Variants in CSMD3 observed in about 807,000 individuals in gnomAD.
The protein encoded by CSMD3 is CUB and sushi domain-containing protein 3.
In CSMD3, 177 loss-of-function variants were observed where a neutral mutation model predicts 435.2. The ratio of observed to expected loss-of-function variants is 0.41; its 90% CI spans 0.36 to 0.46. The LOEUF (loss-of-function observed/expected upper bound fraction) is 0.46. Ranked by LOEUF, CSMD3 falls within the 20% of genes least tolerant of loss-of-function variation. The probability of loss-of-function intolerance (pLI) is 0.34; values close to 1 mark genes in which losing one functional copy is unlikely to be tolerated. For missense variants in CSMD3, 4,265 were observed against 4,504.6 expected, an observed-to-expected ratio of 0.95 and a Z score of 1.52; for synonymous variants, 1,656 against 1,520.5, an observed-to-expected ratio of 1.09 and a Z score of -2.07.
chr8:113,196,653 G>C (rs2092659350), intron 3 of CSMD3, among the ~76,000 whole-genome samples: 1 of 151,230 alleles, frequency 6.6e-6, no homozygotes, highest in Non-Finnish European at 1.5e-5. Context: ...AGAGACGACA[G>C]AAGGAGACTT....
intron 5 of CSMD3, among the ~76,000 whole-genome samples, chr8:113,094,692 T>A (rs1421526254): frequency 6.6e-6 from 1 of 152,214 alleles, no homozygotes; most frequent in Non-Finnish European, 1.5e-5. Flanking sequence ...TAGATGATTC[T>A]AGCATACAGA....
chr8:112,235,887 T>G (rs1813535450), intron 67 of CSMD3, among the ~76,000 whole-genome samples: 1 of 151,950 alleles, frequency 6.6e-6, no homozygotes, highest in Non-Finnish European at 1.5e-5. Context: ...TATAGAAAAC[T>G]CTTGAGTTTA....
At chr8:113,187,583 A>C (rs1343614390) in intron 3 of CSMD3, among the ~76,000 whole-genome samples, 4 of 152,048 alleles carry the variant, frequency 2.6e-5, no homozygotes, top group Admixed American at 2.6e-4. Context: ...TTTCATTTTT[A>C]TATGAGTGTA....
In CSMD3 at chr8:112,292,668, G is replaced by T. The variant is rs745755905; in HGVS notation, c.8657C>A (p.Thr2886Lys). 1.9e-6 allele frequency: 3 copies of T among 1,613,572 alleles called. No homozygotes were observed. Among genetic ancestry groups the T allele is most frequent in the Non-Finnish European group, 2.5e-6 (3 of 1,179,732 alleles). The change falls in exon 55 of 71, where the codon ACA becomes AAA. Residue 2886 changes from threonine (T) to lysine (K), a missense_variant. By Grantham distance (78) the Thr-to-Lys change is moderately conservative (BLOSUM62 -1). This residue lies in a region of CSMD3 where 3,255 missense variants were observed against 3,380.2 expected (regional missense o/e 0.96). Transcript: ENST00000297405. The stretch of plus-strand genomic sequence containing the variant: ...ATTAAAGTTGAACCCATTTCCACTT[G>T]TTCTTCCATAAATTGGACTACCAGG... ...GHPGSPIYGR[T>K]SGNGFNFNDV... is the part of the protein sequence containing the mutation.
Position 112,921,768 on chromosome 8 carries a change from G to A in CSMD3, c.1509-17C>T, listed in dbSNP as rs2130632968. 6.3e-7 allele frequency: 1 copy of A among 1,590,604 alleles called. No homozygotes were observed. Among genetic ancestry groups the A allele is most frequent in the Non-Finnish European group, 8.6e-7 (1 of 1,159,380 alleles). On this transcript the variant is annotated splice_polypyrimidine_tract_variant and intron_variant, in intron 9 of 70. Coordinates refer to ENST00000297405, the MANE Select transcript of CSMD3 (RefSeq NM_198123.2). Reference sequence around the variant, plus strand: ...GATCCAAGGCTAAAGTTAAATAAAAGAGAAAAAATATGATAAGAAAGATGC... The same window carrying A: ...GATCCAAGGCTAAAGTTAAATAAAAAAGAAAAAATATGATAAGAAAGATGC...
At chr8:112,529,000 C>T (rs1825262602) in intron 27 of CSMD3, among the ~76,000 whole-genome samples, 1 of 152,060 alleles carries the variant, frequency 6.6e-6, no homozygotes, top group African/African-American at 2.4e-5. Flanking sequence ...TAGCTTCAAG[C>T]TTCCCTGCTG....
chr8:112,784,140 A>G (rs2078474412), intron 13 of CSMD3, among the ~76,000 whole-genome samples: 1 of 151,984 alleles, frequency 6.6e-6, no homozygotes, highest in Admixed American at 6.6e-5. Flanking sequence ...AGATAACAAG[A>G]GGATAAATAC....
intron 45 of CSMD3, among the ~76,000 whole-genome samples, chr8:112,334,791 A>G (rs919124399): frequency 6.6e-6 from 1 of 152,204 alleles, no homozygotes; most frequent in African/African-American, 2.4e-5. Flanking sequence ...AATTGAGACT[A>G]TACATAAATT....
rs566160813 is a variant in CSMD3 at position 113,072,286 on chromosome 8, T to C, written c.917+26470A>G. On this transcript the variant is annotated intron_variant, in intron 5 of 70. Coordinates refer to ENST00000297405, the MANE Select transcript of CSMD3 (RefSeq NM_198123.2). Reference sequence around the variant, plus strand: ...TTCTTCTTATTTAGATGTTTTCTTTTTTTTCCTTATCTAATTGCTCTGTCA... The same window carrying C: ...TTCTTCTTATTTAGATGTTTTCTTTCTTTTCCTTATCTAATTGCTCTGTCA... 4.6e-5 allele frequency among the ~76,000 whole-genome samples: 7 copies of C among 151,876 alleles called. No individual in the cohort carries two copies. In the East Asian group the frequency reaches 9.7e-4, roughly 21 times the overall value.
rs569179085 is a variant in CSMD3 at position 112,341,099 on chromosome 8, T to C, written c.6652+378A>G. Among the ~76,000 whole-genome samples the C allele has an allele frequency of 8.5e-5, 13 of 152,270 alleles. 1 individual carries two copies. In the South Asian group the frequency reaches 2.7e-3, roughly 32 times the overall value. ...CTATAAAGTAAAAGAACATTTTACA[T>C]AATACAACACATGAATAATACAAAA... On this transcript the variant is annotated intron_variant, in intron 42 of 70. Transcript: ENST00000297405.
intron 38 of CSMD3, among the ~76,000 whole-genome samples, chr8:112,356,169 C>T (rs573334116): frequency 6.6e-6 from 1 of 152,238 alleles, no homozygotes; most frequent in Admixed American, 6.5e-5. Context: ...CCAGCAATCT[C>T]ATTACTGGGT....
At chr8:112,245,685 C>T (rs1482316017) in intron 64 of CSMD3, among the ~76,000 whole-genome samples, 1 of 152,030 alleles carries the variant, frequency 6.6e-6, no homozygotes, top group Non-Finnish European at 1.5e-5. Flanking sequence ...CTACAGGCAC[C>T]TGCCACCACA....
chr8:112,878,127 G>C (rs1166462021), intron 10 of CSMD3, among the ~76,000 whole-genome samples: 1 of 152,222 alleles, frequency 6.6e-6, no homozygotes, highest in East Asian at 1.9e-4. Context: ...AGAGTGAACA[G>C]GCAACCTATA....
At chr8:112,350,901 T>G (rs1157783486) in intron 40 of CSMD3, among the ~76,000 whole-genome samples, 1 of 152,094 alleles carries the variant, frequency 6.6e-6, no homozygotes, top group East Asian at 1.9e-4. Flanking sequence ...AGAATTTTTT[T>G]AAGTCTTTTC....
At chr8:113,010,749 T>C (rs944087612) in intron 6 of CSMD3, among the ~76,000 whole-genome samples, 19 of 151,728 alleles carry the variant, frequency 1.3e-4, no homozygotes, top group African/African-American at 4.1e-4. Flanking sequence ...TATTGAACAC[T>C]GTCTTAAAAT....
chr8:112,768,712 G>GACAAAACAAA (rs1054526945), intron 13 of CSMD3, among the ~76,000 whole-genome samples: 1 of 151,778 alleles, frequency 6.6e-6, no homozygotes. Context: ...TCATACAAAA[G>GACAAAACAAA]ACAAAACAAA....
chr8:113,399,078 C>CATATATATATATAT (rs764141337), intron 1 of CSMD3, among the ~76,000 whole-genome samples: 76 of 90,814 alleles, frequency 8.4e-4, no homozygotes, highest in African/African-American at 3.1e-3. Context: ...AAGGATAGTT[C>CATATATATATATAT]ATATATATAT....
chr8:112,853,691 C>G (rs1237774302), intron 11 of CSMD3, among the ~76,000 whole-genome samples: 3 of 152,204 alleles, frequency 2.0e-5, no homozygotes, highest in African/African-American at 7.2e-5. Flanking sequence ...GATATCCAAT[C>G]TAACAGGTAT....
chr8:112,750,360 G>A (rs1435647256), intron 13 of CSMD3, among the ~76,000 whole-genome samples: 2 of 151,280 alleles, frequency 1.3e-5, no homozygotes, highest in East Asian at 3.9e-4. Flanking sequence ...ATCAACTATG[G>A]GTAAGTCCCC....
Sources: gnomAD v4.1 joint callset for allele counts (sites outside exome capture counted in the v4.1 genomes callset) on GRCh38, gnomAD v4.1.1 for gene constraint, gnomAD v4.1.1 regional missense constraint, MANE v1.5 for transcripts, NCBI Gene and HGNC (gene_info 2026-07-23, HGNC 2026-07-21) for gene names.